Variants in GNG2 observed in about 807,000 individuals in gnomAD.
GNG2 encodes the protein G protein subunit gamma 2, also known as guanine nucleotide-binding protein G(I)/G(S)/G(O) subunit gamma-2.
In GNG2, 5 loss-of-function variants were observed where a neutral mutation model predicts 5.5. That is an observed-to-expected ratio of 0.91 (90% confidence interval 0.48 to 1.92). The LOEUF (loss-of-function observed/expected upper bound fraction) is 1.92, where lower values mean the gene tolerates loss of function less well. Among genes scored for constraint, GNG2 ranks in the 30% most tolerant of loss-of-function variants. The pLI is 0.01. For missense variants in GNG2, 55 were observed against 88.4 expected (o/e 0.62, Z 1.52); for synonymous variants, 28 against 32.0 (o/e 0.88, Z 0.42).
intron 3 of GNG2, among the ~76,000 whole-genome samples, chr14:51,960,868 T>C (rs1889571618): frequency 6.6e-6 from 1 of 152,188 alleles, no homozygotes; most frequent in Non-Finnish European, 1.5e-5. Context: ...TTTTACTTGC[T>C]CCTTCCTGAT....
At chr14:51,900,235 T>C (rs1180705003) in intron 2 of GNG2, among the ~76,000 whole-genome samples, 1 of 152,216 alleles carries the variant, frequency 6.6e-6, no homozygotes, top group Admixed American at 6.5e-5. Context: ...ATTGCCATTT[T>C]TATTTGCATT....
At position 51,886,333 on chromosome 14, in the gene GNG2, G is replaced by T. The variant is rs192464241; in HGVS notation, c.-30+8676G>T. ...AGTGAGCACTGGTGTGAGGCTGAAT[G>T]GATGCTGTCTGACCACTCTACTCCT... On this transcript the variant is annotated intron_variant, in intron 2 of 3. Coordinates refer to ENST00000556766, the MANE Select transcript of GNG2 (RefSeq NM_053064.5). Among the ~76,000 whole-genome samples, 52 of 152,270 alleles carry T rather than the reference G, an allele frequency of 3.4e-4. No homozygotes were observed. In the East Asian group the frequency reaches 7.9e-3, roughly 23 times the overall value.
intron 3 of GNG2, among the ~76,000 whole-genome samples, chr14:51,959,792 T>C (rs1048275317): frequency 2.6e-5 from 4 of 152,104 alleles, no homozygotes; most frequent in Non-Finnish European, 4.4e-5. Context: ...CTCCCTACCA[T>C]CACCAACACA....
At chr14:51,964,649 C>T (rs902929194) in intron 3 of GNG2, among the ~76,000 whole-genome samples, 1 of 152,098 alleles carries the variant, frequency 6.6e-6, no homozygotes, top group Non-Finnish European at 1.5e-5. Flanking sequence ...AAAAATTCAA[C>T]GGTTTATGGG....
chr14:51,966,393 T>A (rs1889922871), intron 3 of GNG2, among the ~76,000 whole-genome samples, 166 bp from the exon 4 acceptor site: 1 of 152,034 alleles, frequency 6.6e-6, no homozygotes, highest in African/African-American at 2.4e-5. Context: ...GTAAGGTCAG[T>A]GTCGTCAACT....
intron 2 of GNG2, among the ~76,000 whole-genome samples, chr14:51,831,048 C>T (rs993844604): frequency 6.6e-6 from 1 of 152,218 alleles, no homozygotes; most frequent in African/African-American, 2.4e-5. Context: ...CAGGCATGCT[C>T]CAGCCTCAAG....
chr14:51,880,065 G>T (rs958259933), intron 2 of GNG2, among the ~76,000 whole-genome samples: 6 of 152,298 alleles, frequency 3.9e-5, no homozygotes, highest in Middle Eastern at 3.4e-3. Context: ...TCATTTTGTA[G>T]GTCCAGGTAC....
At chr14:51,955,200 C>A (rs1889210750) in intron 3 of GNG2, among the ~76,000 whole-genome samples, 1 of 150,060 alleles carries the variant, frequency 6.7e-6, no homozygotes, top group South Asian at 2.1e-4. Flanking sequence ...ATACTCCCAA[C>A]AGACCTTTCC....
intron 2 of GNG2, among the ~76,000 whole-genome samples, chr14:51,907,281 C>A (rs1001341525): frequency 6.6e-6 from 1 of 152,130 alleles, no homozygotes; most frequent in Non-Finnish European, 1.5e-5. Flanking sequence ...TTCATTCAGA[C>A]ATTTTTTAGT....
chr14:51,945,195 C>A (rs1888573350), intron 2 of GNG2, among the ~76,000 whole-genome samples: 1 of 151,600 alleles, frequency 6.6e-6, no homozygotes, highest in African/African-American at 2.4e-5. Context: ...CTGGGTATAA[C>A]CCCCCAAAAT....
chr14:51,892,493 T>C (rs1884926588), intron 2 of GNG2, among the ~76,000 whole-genome samples: 1 of 152,104 alleles, frequency 6.6e-6, no homozygotes, highest in Non-Finnish European at 1.5e-5. Flanking sequence ...TAGAGACGGT[T>C]TTGCCATGTT....
At chr14:51,966,424 A>G (rs988080180) in intron 3 of GNG2, 135 bp from the exon 4 acceptor site, 5 of 737,822 alleles carry the variant, frequency 6.8e-6, no homozygotes, top group Admixed American at 2.3e-5. Flanking sequence ...CAGATGAGGA[A>G]GCAGAAGCTT....
At chr14:51,961,586 T>C (rs1395121613) in intron 3 of GNG2, among the ~76,000 whole-genome samples, 1 of 152,210 alleles carries the variant, frequency 6.6e-6, no homozygotes, top group Non-Finnish European at 1.5e-5. Flanking sequence ...TTATAATTTC[T>C]GTGAAAGAGA....
intron 2 of GNG2, among the ~76,000 whole-genome samples, chr14:51,850,256 C>G (rs1881843686): frequency 6.6e-6 from 1 of 152,014 alleles, no homozygotes; most frequent in Non-Finnish European, 1.5e-5. Context: ...ATATTTCTTC[C>G]TCTTAAAGTA....
chr14:51,942,589 C>CTTTTTTTT (rs56883654), intron 2 of GNG2, among the ~76,000 whole-genome samples: 1 of 81,146 alleles, frequency 1.2e-5, no homozygotes, highest in African/African-American at 5.9e-5. Flanking sequence ...TTCTTTCTTT[C>CTTTTTTTT]TTTTTTTTTT....
intron 2 of GNG2, among the ~76,000 whole-genome samples, chr14:51,898,864 A>G (rs1885371122): frequency 6.6e-6 from 1 of 152,248 alleles, no homozygotes; most frequent in Admixed American, 6.5e-5. Context: ...CAATACCATG[A>G]GGATTTGGTG....
chr14:51,870,237 AAG>A (rs1378144010), intron 1 of GNG2, among the ~76,000 whole-genome samples: 1 of 151,592 alleles, frequency 6.6e-6, no homozygotes, highest in Admixed American at 6.6e-5. Flanking sequence ...CTGAACCTAA[AAG>A]AAAATATTAA....
intron 2 of GNG2, among the ~76,000 whole-genome samples, chr14:51,844,787 A>G (rs1191775990): frequency 6.6e-6 from 1 of 151,998 alleles, no homozygotes; most frequent in Non-Finnish European, 1.5e-5. Flanking sequence ...GTGCAATGGC[A>G]TGATCTTGGC....
Position 51,966,236 on chromosome 14 carries a change from A to C in GNG2, c.88-323A>C, listed in dbSNP as rs867369208. 7.8e-4 allele frequency among the ~76,000 whole-genome samples: 116 copies of C among 149,116 alleles called. 2 individuals are homozygous for C. The highest frequency in any genetic ancestry group is 2.9e-3 in the African/African-American group (114 of 39,676). ...AAAAAAAAAAAAAAAAAAAAAAAAA[A>C]ACAAATGAAGGAGACAGCCACCTGC... On this transcript the variant is annotated intron_variant, in intron 3 of 3. Coordinates refer to ENST00000556766, the MANE Select transcript of GNG2 (RefSeq NM_053064.5).
Sources: allele counts gnomAD v4.1 joint callset (sites outside exome capture counted in the v4.1 genomes callset), GRCh38; gene constraint gnomAD v4.1.1; transcripts MANE v1.5; gene names NCBI Gene and HGNC (gene_info 2026-07-23, HGNC 2026-07-21).